MAP3K21: variants seen among roughly 807,000 people sequenced by gnomAD.
MAP3K21 encodes mitogen-activated protein kinase kinase kinase MLK4.
In MAP3K21, 63 loss-of-function variants were observed where a neutral mutation model predicts 86.1. That is an observed-to-expected ratio of 0.73 (90% CI 0.60 to 0.90). MAP3K21 has a LOEUF of 0.90. Among genes scored for constraint, MAP3K21 ranks in the 40% least tolerant of loss-of-function variants. MAP3K21 has a pLI of 0.00. For synonymous variants in MAP3K21, 558 were observed against 564.8 expected (o/e 0.99, Z 0.17); for missense variants, 1,220 against 1,367.7 (o/e 0.89, Z 1.70).
Position 233,346,146 on chromosome 1 carries a change from G to A in MAP3K21, c.806-296G>A, listed in dbSNP as rs192944414. 4.7e-4 allele frequency among the ~76,000 whole-genome samples: 71 copies of A among 152,214 alleles called. 1 individual carries two copies. The South Asian group carries it at 4.8e-3, about 10-fold the overall frequency. On this transcript the variant is annotated intron_variant, in intron 1 of 9. Transcript: ENST00000366624. ...ATCAGGTAAATTTTTACAGACTTCT[G>A]ATCCTACTTGTGATATCTCAGGAAA... is the stretch of plus-strand genomic sequence containing the variant.
intron 2 of MAP3K21, among the ~76,000 whole-genome samples, chr1:233,353,164 C>G (rs1663282959): frequency 7.5e-6 from 1 of 132,914 alleles, no homozygotes; most frequent in Non-Finnish European, 1.6e-5. Flanking sequence ...TCCCATTTCA[C>G]CCTGGCTTCC....
intron 5 of MAP3K21, among the ~76,000 whole-genome samples, chr1:233,363,990 G>A (rs571914997): frequency 6.6e-6 from 1 of 152,098 alleles, no homozygotes; most frequent in African/African-American, 2.4e-5. Flanking sequence ...CTCCAGCCTG[G>A]GCAACAGAAT....
intron 9 of MAP3K21, among the ~76,000 whole-genome samples, chr1:233,380,072 G>A (rs933419721): frequency 1.1e-4 from 17 of 152,192 alleles, no homozygotes; most frequent in African/African-American, 3.4e-4. Flanking sequence ...GCCTCCCTGC[G>A]GGCCTTGTCT....
intron 1 of MAP3K21, among the ~76,000 whole-genome samples, chr1:233,330,942 T>C (rs1002057495): frequency 6.6e-6 from 1 of 152,146 alleles, no homozygotes; most frequent in Admixed American, 6.5e-5. Context: ...TAAATTTTTA[T>C]AAAGTTTTAT....
chr1:233,354,444 T>C (rs1004548848), intron 3 of MAP3K21, among the ~76,000 whole-genome samples: 4 of 152,200 alleles, frequency 2.6e-5, no homozygotes, highest in African/African-American at 9.7e-5. Context: ...GAACTTCTCA[T>C]GTGGATATAA....
chr1:233,336,755 G>T (rs1662924076), intron 1 of MAP3K21, among the ~76,000 whole-genome samples: 1 of 152,112 alleles, frequency 6.6e-6, no homozygotes, highest in Admixed American at 6.6e-5. Flanking sequence ...AGATGATTCA[G>T]CAAATATAGA....
At chr1:233,344,425 C>T (rs148457912) in intron 1 of MAP3K21, among the ~76,000 whole-genome samples, 1,617 of 152,216 alleles carry the variant, frequency 0.011, 16 homozygotes, top group South Asian at 0.028. Flanking sequence ...GAAATAACAC[C>T]ACACATCTAC....
At chr1:233,375,869 G>A (rs1450658181) in intron 6 of MAP3K21, 47 bp from the exon 7 acceptor site, 2 of 1,495,114 alleles carry the variant, frequency 1.3e-6, no homozygotes, top group Non-Finnish European at 1.8e-6. Context: ...GCCAATATTG[G>A]TTAATATGAT....
intron 5 of MAP3K21, among the ~76,000 whole-genome samples, chr1:233,363,085 AG>A (rs1406880102): frequency 6.6e-6 from 1 of 152,204 alleles, no homozygotes; most frequent in African/African-American, 2.4e-5. Context: ...GATTCTTTCT[AG>A]TACCAGAGCA....
intron 4 of MAP3K21, among the ~76,000 whole-genome samples, chr1:233,359,103 AG>A (rs1663420974): frequency 6.6e-6 from 1 of 152,166 alleles, no homozygotes. Context: ...ATGAGCCACC[AG>A]GCCCGGCCTT....
chr1:233,329,854 C>T (rs1662779458), intron 1 of MAP3K21, among the ~76,000 whole-genome samples: 1 of 152,162 alleles, frequency 6.6e-6, no homozygotes, highest in South Asian at 2.1e-4. Context: ...GTGGATTTTC[C>T]AGATGTCAAT....
intron 4 of MAP3K21, among the ~76,000 whole-genome samples, chr1:233,359,489 G>T (rs188818759): frequency 6.6e-6 from 1 of 152,034 alleles, no homozygotes; most frequent in Non-Finnish European, 1.5e-5. Context: ...TCCCTTTCTT[G>T]TCCACAGATT....
chr1:233,336,863 C>T (rs1662926343), intron 1 of MAP3K21, among the ~76,000 whole-genome samples: 1 of 152,180 alleles, frequency 6.6e-6, no homozygotes, highest in Non-Finnish European at 1.5e-5. Context: ...TCCATGGCTA[C>T]AGACTATATC....
chr1:233,344,372 C>T (rs1256614478), intron 1 of MAP3K21, among the ~76,000 whole-genome samples: 2 of 152,064 alleles, frequency 1.3e-5, no homozygotes, highest in African/African-American at 4.8e-5. Flanking sequence ...GGTACTGGTA[C>T]CAAAACAGAG....
At position 233,379,317 on chromosome 1, in the gene MAP3K21, C is replaced by T. The variant is rs1465760225; in HGVS notation, c.2311C>T (p.Arg771Cys). Residue 771 changes from arginine (R) to cysteine (C), a missense_variant, in exon 9 of 10, where the codon CGC (arginine) becomes TGC (cysteine). Physicochemically the swap from Arg to Cys is radical, Grantham distance 180 (BLOSUM62 -3). Around this residue, in one of 5 missense-constraint regions of MAP3K21, gnomAD observed 632 missense variants for 691.3 expected, o/e 0.91. Transcript: ENST00000366624. The part of the protein sequence containing the change: ...EGIFQRASKS[R>C]RSASPPTSLP... ...AATCTTCCAGCGGGCTTCCAAGTCCCGCAGAAGCGCCAGTCCTCCCACAAG... is the reference window on the plus strand; with the variant it reads ...AATCTTCCAGCGGGCTTCCAAGTCCTGCAGAAGCGCCAGTCCTCCCACAAG... The T allele has an allele frequency of 4.3e-6, 7 of 1,614,166 alleles. No individual in the cohort carries two copies. Among genetic ancestry groups the T allele is most frequent in the Middle Eastern group, 1.6e-4 (1 of 6,062 alleles).
intron 5 of MAP3K21, 99 bp downstream of exon 5, chr1:233,362,392 CT>C: frequency 7.7e-7 from 1 of 1,297,552 alleles, no homozygotes; most frequent in Non-Finnish European, 1.1e-6. Flanking sequence ...AGGGAAGTAA[CT>C]TTGTAAAACA....
intron 4 of MAP3K21, among the ~76,000 whole-genome samples, chr1:233,360,390 T>C (rs1663444013): frequency 6.6e-6 from 1 of 152,178 alleles, no homozygotes; most frequent in Non-Finnish European, 1.5e-5. Context: ...ACCTGGTCTA[T>C]AAATAAAAAC....
intron 1 of MAP3K21, among the ~76,000 whole-genome samples, chr1:233,334,232 A>G (rs1354016189): frequency 2.0e-5 from 3 of 149,334 alleles, no homozygotes; most frequent in Non-Finnish European, 4.4e-5. Context: ...AAACTCCTGG[A>G]GTCAAGCCAT....
At position 233,346,563 on chromosome 1, in the gene MAP3K21, C is replaced by T; in HGVS notation, c.927C>T (p.Ala309=). ...AAATGAGCACAGCAGGCACCTATGC[C>T]TGGATGGCCCCCGAAGTGATCAAGT... The part of the protein sequence containing the change: ...TTKMSTAGTY[A]WMAPEVIKSS... Residue 309 remains alanine (A), a synonymous_variant, in exon 2 of 10, where the codon GCC becomes GCT. Coordinates refer to ENST00000366624, the MANE Select transcript of MAP3K21 (RefSeq NM_032435.3). 6.2e-7 allele frequency: 1 copy of T among 1,613,972 alleles called. No homozygotes were observed. Among genetic ancestry groups the T allele is most frequent in the Non-Finnish European group, 8.5e-7 (1 of 1,179,910 alleles).
Sources: allele counts gnomAD v4.1 joint callset (sites outside exome capture counted in the v4.1 genomes callset), GRCh38; gene constraint gnomAD v4.1.1; regional missense constraint gnomAD v4.1.1; transcripts MANE v1.5; gene names NCBI Gene and HGNC (gene_info 2026-07-23, HGNC 2026-07-21).